FOCAD: variants seen among roughly 807,000 people sequenced by gnomAD.
FOCAD encodes KIAA1797.
In FOCAD, 198 loss-of-function variants were observed where a neutral mutation model predicts 225.6. The observed-to-expected ratio is 0.88, with a 90% CI of 0.78 to 0.99. The LOEUF (loss-of-function observed/expected upper bound fraction) is 0.99. FOCAD is among the 50% of genes least tolerant of loss of function. The probability of loss-of-function intolerance (pLI) is 0.00; values close to 1 mark genes in which losing one functional copy is unlikely to be tolerated. For synonymous variants in FOCAD, 897 were observed against 755.0 expected, an observed-to-expected ratio of 1.19 and a Z score of -3.08; for missense variants, 2,713 against 2,123.6, an observed-to-expected ratio of 1.28 and a Z score of -5.46.
At chr9:20,781,951 C>T in intron 10 of FOCAD, 22 bp downstream of exon 10, 1 of 1,603,910 alleles carries the variant, frequency 6.2e-7, no homozygotes, top group Non-Finnish European at 8.5e-7. Flanking sequence ...ATCCTTGTTT[C>T]TCTTAAATAA....
intron 18 of FOCAD, among the ~76,000 whole-genome samples, chr9:20,871,410 A>G (rs937429971): frequency 1.6e-4 from 24 of 152,104 alleles, no homozygotes; most frequent in African/African-American, 4.6e-4. Context: ...AGCAGCTAAT[A>G]TAATATTATT....
intron 5 of FOCAD, among the ~76,000 whole-genome samples, chr9:20,752,833 C>A (rs372099059): frequency 3.3e-5 from 5 of 151,722 alleles, no homozygotes; most frequent in East Asian, 1.9e-4. Context: ...CTTTTATTTC[C>A]TTGAGCAGTG....
At chr9:20,677,758 A>G (rs1310775187) in intron 2 of FOCAD, among the ~76,000 whole-genome samples, 1 of 152,228 alleles carries the variant, frequency 6.6e-6, no homozygotes, top group Non-Finnish European at 1.5e-5. Context: ...CAGAGCCATG[A>G]TAGAAAACCG....
chr9:20,935,012 G>A (rs1202566450), intron 28 of FOCAD, among the ~76,000 whole-genome samples: 1 of 152,174 alleles, frequency 6.6e-6, no homozygotes, highest in African/African-American at 2.4e-5. Flanking sequence ...TCATAGATGG[G>A]TAGAATCAAT....
At chr9:20,825,827 T>TA (rs1388621782) in intron 15 of FOCAD, among the ~76,000 whole-genome samples, 41 of 152,134 alleles carry the variant, frequency 2.7e-4, no homozygotes, top group Non-Finnish European at 7.4e-5. Flanking sequence ...AAGAGTGGAT[T>TA]CTGTCTACCT....
At chr9:20,965,700 T>C (rs1839194528) in intron 35 of FOCAD, among the ~76,000 whole-genome samples, 2 of 152,198 alleles carry the variant, frequency 1.3e-5, no homozygotes, top group South Asian at 4.1e-4. Context: ...TTCCCATTTT[T>C]CCAAGATCCT....
At chr9:20,714,222 T>C (rs543704725) in intron 1 of FOCAD, among the ~76,000 whole-genome samples, 1 of 152,330 alleles carries the variant, frequency 6.6e-6, no homozygotes, top group African/African-American at 2.4e-5. Flanking sequence ...AGTGCTCCAA[T>C]GAGCATTTCC....
intron 28 of FOCAD, among the ~76,000 whole-genome samples, chr9:20,943,353 C>T (rs1190639724): frequency 6.6e-6 from 1 of 152,156 alleles, no homozygotes; most frequent in Non-Finnish European, 1.5e-5. Flanking sequence ...TAGAAAAACA[C>T]ACTTGAGATA....
At chr9:20,864,587 A>C (rs572791633) in intron 16 of FOCAD, among the ~76,000 whole-genome samples, 10 of 152,052 alleles carry the variant, frequency 6.6e-5, no homozygotes, top group Admixed American at 2.0e-4. Flanking sequence ...AAAGTTCTTT[A>C]TACTGTTCTA....
intron 35 of FOCAD, among the ~76,000 whole-genome samples, chr9:20,964,496 T>C (rs2132487452): frequency 6.6e-6 from 1 of 152,258 alleles, no homozygotes; most frequent in African/African-American, 2.4e-5. Flanking sequence ...CAACACCAAT[T>C]ACTGGTAGCA....
intron 15 of FOCAD, among the ~76,000 whole-genome samples, chr9:20,846,108 C>G (rs1827079872): frequency 6.6e-6 from 1 of 152,062 alleles, no homozygotes; most frequent in South Asian, 2.1e-4. Flanking sequence ...GGATTCCAGG[C>G]TAGAGTATGT....
In FOCAD at chr9:20,845,145, C is replaced by T. The variant is rs567727535; in HGVS notation, c.1921-17433C>T. On this transcript the variant is annotated intron_variant, in intron 15 of 43. Transcript: ENST00000338382. The stretch of plus-strand genomic sequence containing the variant: ...AATTTCACAATCCCTCCCTCACTGA[C>T]TCAATCAGTTTCTACTTATTAGAAT... Among the ~76,000 whole-genome samples the T allele has an allele frequency of 1.6e-4, 24 of 152,108 alleles. 1 individual carries two copies. The highest frequency in any genetic ancestry group is 3.9e-4 in the African/African-American group (16 of 41,526).
intron 14 of FOCAD, among the ~76,000 whole-genome samples, chr9:20,821,895 A>G (rs1189084698): frequency 6.6e-6 from 1 of 151,462 alleles, no homozygotes; most frequent in Non-Finnish European, 1.5e-5. Flanking sequence ...TTTCAAGTAA[A>G]ATTTGGATCA....
At chr9:20,828,046 C>T (rs1261686725) in intron 15 of FOCAD, among the ~76,000 whole-genome samples, 1 of 151,722 alleles carries the variant, frequency 6.6e-6, no homozygotes, top group Admixed American at 6.6e-5. Flanking sequence ...GTGGCACACA[C>T]CTGTTGTCCC....
intron 19 of FOCAD, among the ~76,000 whole-genome samples, chr9:20,876,939 G>C (rs745608016): frequency 2.6e-5 from 4 of 152,132 alleles, no homozygotes; most frequent in Non-Finnish European, 4.4e-5. Flanking sequence ...TATTTAAATA[G>C]AGATGTTACT....
At chr9:20,718,255 G>A (rs1825495511) in intron 3 of FOCAD, among the ~76,000 whole-genome samples, 1 of 152,214 alleles carries the variant, frequency 6.6e-6, no homozygotes, top group African/African-American at 2.4e-5. Context: ...GATTTCTCAT[G>A]CTTCAGCTCA....
intron 25 of FOCAD, among the ~76,000 whole-genome samples, chr9:20,925,525 G>T (rs2132159910): frequency 6.6e-6 from 1 of 152,242 alleles, no homozygotes; most frequent in African/African-American, 2.4e-5. Context: ...CTCATTATTT[G>T]ATTAAAGTTG....
Position 20,781,883 on chromosome 9 carries a change from T to C in FOCAD, c.1151T>C (p.Leu384Pro). ...TCTAGGCAGCAGTTGGCTCTAAACCTTTTGGAAATGATACAGCAGGAATGT... is the reference window on the plus strand; with the variant it reads ...TCTAGGCAGCAGTTGGCTCTAAACCCTTTGGAAATGATACAGCAGGAATGT... ...GPSRQQLALN[L>P]LEMIQQECYR... Residue 384 changes from leucine to proline, a missense_variant, in exon 10 of 44, where the codon CTT becomes CCT. Leu to Pro is a moderately conservative substitution (Grantham distance 98). Transcript: ENST00000338382. The C allele has an allele frequency of 6.2e-7, 1 of 1,614,024 alleles. No individual in the cohort carries two copies. Among genetic ancestry groups the C allele is most frequent in the Non-Finnish European group, 8.5e-7 (1 of 1,179,936 alleles).
At chr9:20,850,621 A>C (rs972431846) in intron 15 of FOCAD, among the ~76,000 whole-genome samples, 5 of 151,788 alleles carry the variant, frequency 3.3e-5, no homozygotes, top group African/African-American at 1.2e-4. Context: ...TAGGAGTTGC[A>C]TGAGCAAAAA....
Sources: gnomAD v4.1 joint callset for allele counts (sites outside exome capture counted in the v4.1 genomes callset) on GRCh38, gnomAD v4.1.1 for gene constraint, MANE v1.5 for transcripts, NCBI Gene and HGNC (gene_info 2026-07-23, HGNC 2026-07-21) for gene names.